GRIN3A: variants seen among roughly 807,000 people sequenced by gnomAD.
GRIN3A encodes the protein glutamate receptor ionotropic, NMDA 3A.
GRIN3A carries 47 observed loss-of-function variants against 92.4 expected under a neutral mutation model. The ratio of observed to expected loss-of-function variants is 0.51; its 90% CI spans 0.40 to 0.65. The LOEUF (loss-of-function observed/expected upper bound fraction) is 0.65. GRIN3A is among the 30% of genes least tolerant of loss of function. The probability of loss-of-function intolerance (pLI) is 0.00; values close to 1 mark genes in which losing one functional copy is unlikely to be tolerated. For missense variants in GRIN3A, 1,324 were observed against 1,393.1 expected, an observed-to-expected ratio of 0.95 and a Z score of 0.79; for synonymous variants, 527 against 540.6, an observed-to-expected ratio of 0.97 and a Z score of 0.35.
chr9:101,716,242 T>C (rs7034155), intron 1 of GRIN3A, among the ~76,000 whole-genome samples: 18,076 of 152,134 alleles, frequency 0.12, 2,158 homozygotes, highest in African/African-American at 0.31. Context: ...ATTAAGAAAG[T>C]GTGTTAGCTT....
chr9:101,635,072 C>T (rs549817847), intron 3 of GRIN3A, among the ~76,000 whole-genome samples: 14 of 152,324 alleles, frequency 9.2e-5, no homozygotes, highest in South Asian at 4.1e-4. Flanking sequence ...GAAGCTGCTT[C>T]CTCCATTTAA....
intron 3 of GRIN3A, among the ~76,000 whole-genome samples, chr9:101,640,780 C>G (rs148040177): frequency 6.6e-6 from 1 of 152,148 alleles, no homozygotes; most frequent in African/African-American, 2.4e-5. Flanking sequence ...TGCACAGGCT[C>G]TCCTTCTCTG....
chr9:101,611,098 A>G (rs886105070), intron 6 of GRIN3A, among the ~76,000 whole-genome samples: 41 of 91,178 alleles, frequency 4.5e-4, no homozygotes, highest in African/African-American at 1.6e-3. Flanking sequence ...AGTCTGTCTC[A>G]AAAAAAAAAA....
At chr9:101,626,026 G>T (rs1828630130) in intron 4 of GRIN3A, among the ~76,000 whole-genome samples, 1 of 152,162 alleles carries the variant, frequency 6.6e-6, no homozygotes, top group South Asian at 2.1e-4. Context: ...TACGTGAAAA[G>T]GCGAAAAGCA....
At position 101,570,199 on chromosome 9, in the gene GRIN3A, A is replaced by G. The variant is rs916840987; in HGVS notation, c.*2975T>C. The G allele has an allele frequency of 1.3e-5, 2 of 152,122 alleles. No individual in the cohort carries two copies. The highest frequency in any genetic ancestry group is 2.4e-5 in the African/African-American group (1 of 41,416). The allele number at this position is 152,122 out of a possible 1,614,324, so 9.4% of individuals were successfully genotyped here. A position where few individuals can be genotyped will look rare whatever the true frequency, so the allele number is the denominator to read the frequency against. On this transcript the variant is annotated 3_prime_UTR_variant, in exon 9 of 9. Transcript: ENST00000361820. ...TTATTTACACGAACCAGGTAGCTAT[A>G]TCTGTTCCAGCTCATCTGAGCATGC...
chr9:101,602,308 C>T (rs1828221538), intron 6 of GRIN3A, among the ~76,000 whole-genome samples: 1 of 152,146 alleles, frequency 6.6e-6, no homozygotes, highest in South Asian at 2.1e-4. Context: ...ATGGCTTTTG[C>T]AGTATTTTGT....
chr9:101,700,576 T>C (rs1307192552), intron 1 of GRIN3A, among the ~76,000 whole-genome samples: 1 of 152,162 alleles, frequency 6.6e-6, no homozygotes, highest in Non-Finnish European at 1.5e-5. Flanking sequence ...GATGGTTGGG[T>C]GGAAAATATT....
chr9:101,610,570 CATCCATCTATCT>C (rs1158340891), intron 6 of GRIN3A, among the ~76,000 whole-genome samples: 1 of 139,438 alleles, frequency 7.2e-6, no homozygotes, highest in Admixed American at 7.4e-5. Flanking sequence ...GACCAGCTTG[CATCCATCTATCT>C]ATCTATCTAT....
At chr9:101,630,573 C>T (rs916186671) in intron 3 of GRIN3A, among the ~76,000 whole-genome samples, 4 of 152,164 alleles carry the variant, frequency 2.6e-5, no homozygotes, top group African/African-American at 9.7e-5. Context: ...TCAGCCTGAT[C>T]AAAGACATTC....
chr9:101,671,779 G>C (rs1829329243), intron 2 of GRIN3A, among the ~76,000 whole-genome samples: 1 of 152,104 alleles, frequency 6.6e-6, no homozygotes, highest in Non-Finnish European at 1.5e-5. Context: ...CACTTTTAAG[G>C]ATAGCCTCAG....
intron 6 of GRIN3A, 131 bp from the exon 7 acceptor site, chr9:101,579,491 T>C: frequency 1.1e-6 from 1 of 882,032 alleles, no homozygotes; most frequent in Non-Finnish European, 1.8e-6. Flanking sequence ...TATTTCTCCC[T>C]GTGTGTTCTG....
chr9:101,685,308 CT>C lies in GRIN3A; in HGVS notation c.1304+1287del, dbSNP rs35028586. Among the ~76,000 whole-genome samples the C allele has an allele frequency of 9.3e-3, 1,076 of 115,184 alleles. 6 individuals are homozygous for C. The highest frequency in any genetic ancestry group is 0.025 in the East Asian group (98 of 3,920). 75.6% of individuals were successfully genotyped at this position (115,184 alleles called of 152,430 possible). A position where few individuals can be genotyped will look rare whatever the true frequency, so the allele number is the denominator to read the frequency against. The stretch of plus-strand genomic sequence containing the variant: ...TGCACCCCTTGACCTTTTATCATGT[CT>C]TTTTTTTTTTTTTTTTTTGAGACGG... On this transcript the variant is annotated intron_variant, in intron 2 of 8. Transcript: ENST00000361820.
chr9:101,681,396 G>A (rs1010266980), intron 2 of GRIN3A, among the ~76,000 whole-genome samples: 1 of 152,170 alleles, frequency 6.6e-6, no homozygotes, highest in Non-Finnish European at 1.5e-5. Flanking sequence ...CATCCGCTCT[G>A]CATATAAAAT....
chr9:101,585,548 CAATG>C, intron 6 of GRIN3A, among the ~76,000 whole-genome samples: 1 of 152,204 alleles, frequency 6.6e-6, no homozygotes, highest in Non-Finnish European at 1.5e-5. Flanking sequence ...TTTCTCATCA[CAATG>C]AACCTCCATC....
At chr9:101,677,641 C>T (rs1051883700) in intron 2 of GRIN3A, among the ~76,000 whole-genome samples, 2 of 151,870 alleles carry the variant, frequency 1.3e-5, no homozygotes, top group Non-Finnish European at 1.5e-5. Context: ...TACTTGATGG[C>T]GAGTTGTTAC....
intron 6 of GRIN3A, among the ~76,000 whole-genome samples, chr9:101,582,496 T>C (rs996895877): frequency 8.5e-5 from 13 of 152,156 alleles, no homozygotes; most frequent in Admixed American, 7.9e-4. Context: ...GGGAAGCACG[T>C]TGGACCCCAA....
chr9:101,734,730 G>A (rs1355002687), intron 1 of GRIN3A, among the ~76,000 whole-genome samples: 2 of 151,822 alleles, frequency 1.3e-5, no homozygotes, highest in African/African-American at 4.8e-5. Context: ...CCAAAATAAA[G>A]TGAGAGAAAA....
intron 1 of GRIN3A, among the ~76,000 whole-genome samples, chr9:101,707,947 C>T (rs977649142): frequency 3.3e-5 from 5 of 152,036 alleles, no homozygotes; most frequent in Admixed American, 6.6e-5. Context: ...CGAGGCTTTC[C>T]TTTTAATGTT....
chr9:101,688,097 A>C (rs939782228), intron 1 of GRIN3A, among the ~76,000 whole-genome samples: 1 of 152,202 alleles, frequency 6.6e-6, no homozygotes, highest in African/African-American at 2.4e-5. Context: ...GATGGAATTA[A>C]CTATGTTTAT....
Sources: allele counts gnomAD v4.1 joint callset (sites outside exome capture counted in the v4.1 genomes callset), GRCh38; gene constraint gnomAD v4.1.1; transcripts MANE v1.5; gene names NCBI Gene and HGNC (gene_info 2026-07-23, HGNC 2026-07-21).